The following MFSD2B variants were observed in gnomAD, a reference collection of about 807,000 sequenced individuals.
MFSD2B encodes sphingosine-1-phosphate transporter MFSD2B.
In MFSD2B, 56 loss-of-function variants were observed where a neutral mutation model predicts 58.4. The observed-to-expected ratio is 0.96, with a 90% CI of 0.77 to 1.20. The LOEUF is 1.20. MFSD2B is among the 50% of genes most tolerant of loss of function. The pLI is 0.00. For missense variants in MFSD2B, 645 were observed against 667.6 expected, an observed-to-expected ratio of 0.97 and a Z score of 0.37; for synonymous variants, 287 against 294.4, an observed-to-expected ratio of 0.97 and a Z score of 0.26.
chr2:24,025,548 G>A lies in MFSD2B; in HGVS notation c.*92G>A, dbSNP rs573460928. On this transcript the variant is annotated 3_prime_UTR_variant, in exon 14 of 14. Transcript: ENST00000338315. ...CAGCCCTCCAGCACCTGGTCTGGCAGTTTAGTATGTGACCTTTCTCCCTGG... is the reference window on the plus strand; with the variant it reads ...CAGCCCTCCAGCACCTGGTCTGGCAATTTAGTATGTGACCTTTCTCCCTGG... 4.3e-6 allele frequency: 5 copies of A among 1,169,112 alleles called. No individual in the cohort carries two copies. In the African/African-American group the frequency reaches 7.6e-5, roughly 18 times the overall value. The allele number at this position is 1,169,112 out of a possible 1,614,324, so 72.4% of individuals were successfully genotyped here.
chr2:24,017,231 G>T lies in MFSD2B; in HGVS notation c.472-55G>T. Reference sequence around the variant, plus strand: ...TGTGACACCCAGGATGGGGGAGGTCGCCCGCTGTCACCAGGCAAAGCTGGG... The same window carrying T: ...TGTGACACCCAGGATGGGGGAGGTCTCCCGCTGTCACCAGGCAAAGCTGGG... On this transcript the variant is annotated intron_variant, in intron 4 of 13. Coordinates refer to ENST00000338315, the MANE Select transcript of MFSD2B (RefSeq NM_001346880.2). The surrounding 1 kb of genome is among the most constrained non-coding windows in gnomAD (Gnocchi z 4.8). The T allele has an allele frequency of 2.0e-6, 3 of 1,523,086 alleles. No individual in the cohort carries two copies. The highest frequency in any genetic ancestry group is 2.7e-6 in the Non-Finnish European group (3 of 1,124,900). The allele number at this position is 1,523,086 out of a possible 1,614,324, so 94.3% of individuals were successfully genotyped here.
rs767820138 is a variant in MFSD2B at position 24,016,213 on chromosome 2, G to A, written c.280G>A (p.Ala94Thr). The A allele has an allele frequency of 6.2e-7, 1 of 1,613,982 alleles. No homozygotes were observed. The highest frequency in any genetic ancestry group is 1.1e-5 in the South Asian group (1 of 91,082). The change falls in exon 3 of 14, where the codon GCT (alanine) becomes ACT (threonine). Residue 94 changes from alanine (A) to threonine (T), a missense_variant. By Grantham distance (58) the Ala-to-Thr change is moderately conservative. Coordinates refer to ENST00000338315, the MANE Select transcript of MFSD2B (RefSeq NM_001346880.2). ...LFGGKVSGAA[A>T]DPVAGFFINR... ...TGGGGGAAAAGTGTCTGGGGCGGCT[G>A]CTGACCCTGTGGCTGGGTTCTTCAT...
rs1662900556 is a variant in MFSD2B, at chr2:24,024,178, C to A, written c.1397C>A (p.Thr466Asn). The A allele has an allele frequency of 6.2e-7, 1 of 1,613,878 alleles. No homozygotes were observed. Among genetic ancestry groups the A allele is most frequent in the African/African-American group, 1.3e-5 (1 of 75,054 alleles). The part of the protein sequence containing the change: ...TLKVLIGAVP[T>N]CMILAGLCIL... Reference sequence around the variant, plus strand: ...AAAGTCCTCATTGGCGCCGTGCCCACCTGCATGATCCTTGCTGGGCTCTGC... The same window carrying A: ...AAAGTCCTCATTGGCGCCGTGCCCAACTGCATGATCCTTGCTGGGCTCTGC... The change falls in exon 13 of 14, where the codon ACC (threonine) becomes AAC (asparagine). Residue 466 changes from threonine (T) to asparagine (N), a missense_variant. Transcript: ENST00000338315. This position sits in a 1 kb window ranked among gnomAD's most constrained non-coding sequence, Gnocchi z 4.3.
rs1210288240 is a variant in MFSD2B, at chr2:24,010,168, G to A, written c.72G>A (p.Pro24=). ...AGCCGCACGCCCCAGAGCCCGGCCC[G>A]GGGAGCGCCAAGCGAGGGCGAGAGG... The part of the protein sequence containing the change: ...QPEPHAPEPG[P]GSAKRGREDS... The change falls in exon 1 of 14, where the codon CCG becomes CCA. Residue 24 remains proline (P), a synonymous_variant. Coordinates refer to ENST00000338315, the MANE Select transcript of MFSD2B (RefSeq NM_001346880.2). 2 of 1,446,390 alleles carry A rather than the reference G, an allele frequency of 1.4e-6. No homozygotes were observed. Among genetic ancestry groups the A allele is most frequent in the African/African-American group, 3.0e-5 (2 of 67,650 alleles). 89.6% of individuals were successfully genotyped at this position (1,446,390 alleles called of 1,614,324 possible).
rs528410634 is a variant in MFSD2B at position 24,025,231 on chromosome 2, G to T, written c.1491-201G>T. 2.0e-5 allele frequency among the ~76,000 whole-genome samples: 3 copies of T among 152,324 alleles called. No homozygotes were observed. In the South Asian group the frequency reaches 6.2e-4, roughly 32 times the overall value. Reference sequence around the variant, plus strand: ...GAGGGCATGCTTCCCAGTCAGGGAAGGCCAGGCGGATGGGGAACTGCTTGA... The same window carrying T: ...GAGGGCATGCTTCCCAGTCAGGGAATGCCAGGCGGATGGGGAACTGCTTGA... On this transcript the variant is annotated intron_variant, in intron 13 of 13. Coordinates refer to ENST00000338315, the MANE Select transcript of MFSD2B (RefSeq NM_001346880.2).
At chr2:24,010,318 G>T in intron 1 of MFSD2B, 126 bp downstream of exon 1, 1 of 722,346 alleles carries the variant, frequency 1.4e-6, no homozygotes, top group Middle Eastern at 4.5e-4. Flanking sequence ...CAGCTCAGGG[G>T]CTGCCCTCGC....
chr2:24,023,139 C>A lies in MFSD2B; in HGVS notation c.1069C>A (p.Pro357Thr), dbSNP rs765760208. 6.2e-7 allele frequency: 1 copy of A among 1,612,288 alleles called. No homozygotes were observed. The highest frequency in any genetic ancestry group is 8.5e-7 in the Non-Finnish European group (1 of 1,179,676). The change falls in exon 11 of 14, where the codon CCC becomes ACC. Residue 357 changes from proline to threonine, a missense_variant. By Grantham distance (38) the Pro-to-Thr change is conservative. Transcript: ENST00000338315. This position sits in a 1 kb window ranked among gnomAD's most constrained non-coding sequence, Gnocchi z 5.0. The part of the protein sequence containing the change: ...TSAFGIFAMV[P>T]FAILLAAVPT... ...GTGTGTGTCTCCCCAGGCGATGGTGCCCTTTGCGATCTTGCTGGCTGCTGT... is the reference window on the plus strand; with the variant it reads ...GTGTGTGTCTCCCCAGGCGATGGTGACCTTTGCGATCTTGCTGGCTGCTGT...
intron 1 of MFSD2B, among the ~76,000 whole-genome samples, chr2:24,011,783 C>T (rs1395825821): frequency 6.6e-6 from 1 of 152,174 alleles, no homozygotes; most frequent in African/African-American, 2.4e-5. Flanking sequence ...GCTTACATTC[C>T]TGTAGGGAGA....
At position 24,016,899 on chromosome 2, in the gene MFSD2B, GC is replaced by G. The variant is rs1709166139; in HGVS notation, c.408del (p.Phe137SerfsTer34). On this transcript the variant is annotated frameshift_variant, in exon 4 of 14. Transcript: ENST00000338315. LOFTEE classifies it high-confidence loss of function. ...TGGCCTACTTCTTCCTGTGGTTCCT[GC>G]CCCCCTTCACCAGCCTGCGAGGCCT... ...ALAYFFLWFL[P>X]PFTSLRGLWY... 2.5e-6 allele frequency: 4 copies of G among 1,613,890 alleles called. No individual in the cohort carries two copies. The highest frequency in any genetic ancestry group is 3.4e-6 in the Non-Finnish European group (4 of 1,179,856).
chr2:24,012,392 G>A lies in MFSD2B; in HGVS notation c.97-893G>A, dbSNP rs1045660963. On this transcript the variant is annotated intron_variant, in intron 1 of 13. Transcript: ENST00000338315. This position sits in a 1 kb window ranked among gnomAD's most constrained non-coding sequence, Gnocchi z 4.5. ...CTCCTGAGTAGCTGGGATTACAGGCGGCCACTATGCCTGGCTAATTTTTGT... is the reference window on the plus strand; with the variant it reads ...CTCCTGAGTAGCTGGGATTACAGGCAGCCACTATGCCTGGCTAATTTTTGT... Among the ~76,000 whole-genome samples, 10 of 152,048 alleles carry A rather than the reference G, an allele frequency of 6.6e-5. No individual in the cohort carries two copies. In the South Asian group the frequency reaches 1.2e-3, roughly 19 times the overall value.
At chr2:24,013,626 T>A (rs56036119) in intron 2 of MFSD2B, among the ~76,000 whole-genome samples, 13,354 of 152,110 alleles carry the variant, frequency 0.088, 750 homozygotes, top group South Asian at 0.13. Context: ...TCCCCGACAA[T>A]ATAGAAGCAG....
intron 3 of MFSD2B, 110 bp from the exon 4 acceptor site, chr2:24,016,735 G>C: frequency 7.2e-7 from 1 of 1,397,206 alleles, no homozygotes; most frequent in Admixed American, 2.2e-5. Flanking sequence ...GGGCGCCCCA[G>C]CCTAGGGATT....
Position 24,025,553 on chromosome 2 carries a change from G to C in MFSD2B, c.*97G>C. 1 of 1,121,774 alleles carries C rather than the reference G, an allele frequency of 8.9e-7. No homozygotes were observed. Among genetic ancestry groups the C allele is most frequent in the East Asian group, 2.6e-5 (1 of 38,854 alleles). The allele number at this position is 1,121,774 out of a possible 1,614,324, so 69.5% of individuals were successfully genotyped here. A position where few individuals can be genotyped will look rare whatever the true frequency, so the allele number is the denominator to read the frequency against. On this transcript the variant is annotated 3_prime_UTR_variant, in exon 14 of 14. Coordinates refer to ENST00000338315, the MANE Select transcript of MFSD2B (RefSeq NM_001346880.2). ...CTCCAGCACCTGGTCTGGCAGTTTA[G>C]TATGTGACCTTTCTCCCTGGGATGT...
chr2:24,013,275 T>A lies in MFSD2B; in HGVS notation c.97-10T>A. ...TTGGGAGAAGGGCTTAGTTCCTGTG[T>A]CTCCTCCAGGACAGCAGAGCCGGTC... is the stretch of plus-strand genomic sequence containing the variant. On this transcript the variant is annotated splice_polypyrimidine_tract_variant and intron_variant, in intron 1 of 13. Transcript: ENST00000338315. The A allele has an allele frequency of 1.3e-6, 2 of 1,591,228 alleles. No homozygotes were observed. The highest frequency in any genetic ancestry group is 1.7e-6 in the Non-Finnish European group (2 of 1,163,644).
In MFSD2B at chr2:24,017,112, C is replaced by T. The variant is rs565109874; in HGVS notation, c.471+144C>T. On this transcript the variant is annotated intron_variant, in intron 4 of 13. Coordinates refer to ENST00000338315, the MANE Select transcript of MFSD2B (RefSeq NM_001346880.2). This position sits in a 1 kb window ranked among gnomAD's most constrained non-coding sequence, Gnocchi z 4.8. ...ATGCCATTGGCACTCGCCAGCCTTGCGCGGGACTGGCTGCCCCCTCCTGCC... is the reference window on the plus strand; with the variant it reads ...ATGCCATTGGCACTCGCCAGCCTTGTGCGGGACTGGCTGCCCCCTCCTGCC... 6.0e-5 allele frequency: 82 copies of T among 1,376,172 alleles called. No individual in the cohort carries two copies. Among genetic ancestry groups the T allele is most frequent in the Middle Eastern group, 1.9e-4 (1 of 5,210 alleles). 85.2% of individuals were successfully genotyped at this position (1,376,172 alleles called of 1,614,324 possible). A position where few individuals can be genotyped will look rare whatever the true frequency, so the allele number is the denominator to read the frequency against.
At chr2:24,011,859 T>C (rs1708964494) in intron 1 of MFSD2B, among the ~76,000 whole-genome samples, 1 of 152,124 alleles carries the variant, frequency 6.6e-6, no homozygotes, top group African/African-American at 2.4e-5. Flanking sequence ...GGTTAGGGAA[T>C]GCCTCTTGGA....
chr2:24,023,805 G>C lies in MFSD2B; in HGVS notation c.1313+79G>C, dbSNP rs917023294. On this transcript the variant is annotated intron_variant, in intron 12 of 13. Transcript: ENST00000338315. This position sits in a 1 kb window ranked among gnomAD's most constrained non-coding sequence, Gnocchi z 5.0. ...GAGGGCAAAGCCCCTCACCTACCAA[G>C]CTCAGGGCATCCATGAGCCTGGGGC... 118 of 1,538,308 alleles carry C rather than the reference G, an allele frequency of 7.7e-5. No homozygotes were observed. The highest frequency in any genetic ancestry group is 9.9e-5 in the Non-Finnish European group (111 of 1,126,880).
At position 24,024,514 on chromosome 2, in the gene MFSD2B, T is replaced by C. The variant is rs946077429; in HGVS notation, c.1490+243T>C. On this transcript the variant is annotated intron_variant, in intron 13 of 13. Coordinates refer to ENST00000338315, the MANE Select transcript of MFSD2B (RefSeq NM_001346880.2). The surrounding 1 kb of genome is among the most constrained non-coding windows in gnomAD (Gnocchi z 4.3). ...TGTGAGGGCTCACTCCTTGATCTCC[T>C]ATTGCTTTTGCTCTCCAAAGCCCCC... Among the ~76,000 whole-genome samples the C allele has an allele frequency of 3.1e-4, 47 of 152,138 alleles. 1 individual carries two copies. Among genetic ancestry groups the C allele is most frequent in the African/African-American group, 1.1e-3 (46 of 41,440 alleles).
At chr2:24,011,603 C>T (rs903882133) in intron 1 of MFSD2B, among the ~76,000 whole-genome samples, 3 of 152,160 alleles carry the variant, frequency 2.0e-5, no homozygotes, top group Admixed American at 6.5e-5. Context: ...CCCCAGCAAA[C>T]GATGAGAAAA....
Sources: allele counts gnomAD v4.1 joint callset (sites outside exome capture counted in the v4.1 genomes callset), GRCh38; gene constraint gnomAD v4.1.1; non-coding constraint Gnocchi (gnomAD v3.1); transcripts MANE v1.5; gene names NCBI Gene and HGNC (gene_info 2026-07-23, HGNC 2026-07-21).